Variants in MSRA observed in about 807,000 individuals in gnomAD.
MSRA encodes methionine sulfoxide reductase A.
MSRA carries 54 observed loss-of-function variants against 31.3 expected under a neutral mutation model. The observed-to-expected ratio is 1.73, with a 90% CI of 1.39 to 2.17. The LOEUF is 2.17. MSRA is among the 30% of genes most tolerant of loss of function. The pLI is 0.00. For synonymous variants in MSRA, 169 were observed against 116.5 expected (o/e 1.45, Z -2.90); for missense variants, 507 against 300.9 (o/e 1.69, Z -5.07).
chr8:10,213,211 C>T (rs1411799849), intron 2 of MSRA, among the ~76,000 whole-genome samples: 1 of 152,100 alleles, frequency 6.6e-6, no homozygotes, highest in Non-Finnish European at 1.5e-5. Flanking sequence ...CCCTTCCCAG[C>T]CTTTGGTAAC....
intron 5 of MSRA, among the ~76,000 whole-genome samples, chr8:10,335,897 G>C (rs986333099): frequency 2.6e-5 from 4 of 152,168 alleles, no homozygotes; most frequent in Non-Finnish European, 4.4e-5. Context: ...GAAGCAGCTG[G>C]TAACTTGAGA....
At chr8:10,185,968 G>A (rs760617919) in intron 1 of MSRA, among the ~76,000 whole-genome samples, 1 of 152,090 alleles carries the variant, frequency 6.6e-6, no homozygotes, top group Admixed American at 6.5e-5. Context: ...TTCTGGGTTG[G>A]GGGGAGTGGA....
intron 5 of MSRA, among the ~76,000 whole-genome samples, chr8:10,341,897 C>G (rs1021436472): frequency 8.5e-5 from 13 of 152,182 alleles, no homozygotes; most frequent in African/African-American, 3.1e-4. Context: ...CGGGACAGTG[C>G]CAGCTAAGAT....
chr8:10,202,650 T>C (rs1039626014), intron 1 of MSRA, among the ~76,000 whole-genome samples: 2 of 152,144 alleles, frequency 1.3e-5, no homozygotes, highest in African/African-American at 4.8e-5. Context: ...GGCATGGTCG[T>C]GGAGGGGAGG....
chr8:10,279,995 C>T (rs751919770), intron 3 of MSRA, among the ~76,000 whole-genome samples: 2 of 152,178 alleles, frequency 1.3e-5, no homozygotes, highest in African/African-American at 2.4e-5. Context: ...TTTTAACTTA[C>T]AATCCATTTT....
At chr8:10,269,720 G>A (rs920578597) in intron 3 of MSRA, among the ~76,000 whole-genome samples, 23 of 152,164 alleles carry the variant, frequency 1.5e-4, no homozygotes, top group South Asian at 4.2e-4. Context: ...ACTTGATCTC[G>A]GCTCACTGCA....
chr8:10,409,238 T>G (rs1585712740), intron 5 of MSRA, among the ~76,000 whole-genome samples: 5 of 152,362 alleles, frequency 3.3e-5, no homozygotes, highest in African/African-American at 9.6e-5. Flanking sequence ...CTGTTATTTT[T>G]TTGACTTTTT....
chr8:10,248,799 G>C (rs947412126), intron 3 of MSRA, among the ~76,000 whole-genome samples: 3 of 152,230 alleles, frequency 2.0e-5, no homozygotes, highest in Non-Finnish European at 2.9e-5. Context: ...AGTCTCCATT[G>C]CTTGGTGCCA....
At chr8:10,133,590 G>C (rs748955056) in intron 1 of MSRA, among the ~76,000 whole-genome samples, 2 of 152,194 alleles carry the variant, frequency 1.3e-5, no homozygotes, top group African/African-American at 2.4e-5. Flanking sequence ...GTGTGAACCT[G>C]TCCAGACCTG....
chr8:10,071,111 T>G (rs1485053409), intron 1 of MSRA, among the ~76,000 whole-genome samples: 4 of 152,228 alleles, frequency 2.6e-5, no homozygotes, highest in Admixed American at 2.0e-4. Context: ...AGTTTGATAT[T>G]CCCACCAGCA....
chr8:10,202,668 T>C (rs1305329405), intron 1 of MSRA, among the ~76,000 whole-genome samples: 1 of 152,138 alleles, frequency 6.6e-6, no homozygotes, highest in Non-Finnish European at 1.5e-5. Context: ...AGGTGACTAA[T>C]GTTTATTTGC....
intron 1 of MSRA, among the ~76,000 whole-genome samples, chr8:10,171,693 A>G (rs562206665): frequency 6.6e-6 from 1 of 152,382 alleles, no homozygotes; most frequent in South Asian, 2.1e-4. Flanking sequence ...AAAAAGCTAA[A>G]TCATCAACTC....
chr8:10,130,996 T>C (rs1801855031), intron 1 of MSRA, among the ~76,000 whole-genome samples: 1 of 152,202 alleles, frequency 6.6e-6, no homozygotes, highest in Admixed American at 6.5e-5. Flanking sequence ...ATAGAGATGT[T>C]AATGGTCTGT....
intron 1 of MSRA, among the ~76,000 whole-genome samples, chr8:10,204,952 C>T (rs980635789): frequency 2.5e-4 from 38 of 152,154 alleles, no homozygotes; most frequent in African/African-American, 8.7e-4. Context: ...GGCATAAGTG[C>T]AAAGTGCTAC....
At chr8:10,238,744 C>A (rs572945767) in intron 2 of MSRA, among the ~76,000 whole-genome samples, 2 of 152,180 alleles carry the variant, frequency 1.3e-5, no homozygotes, top group South Asian at 4.1e-4. Flanking sequence ...ACCTCACCCC[C>A]TACATAAAAA....
At chr8:10,318,200 T>G (rs1801836479) in intron 4 of MSRA, among the ~76,000 whole-genome samples, 1 of 152,224 alleles carries the variant, frequency 6.6e-6, no homozygotes, top group Non-Finnish European at 1.5e-5. Context: ...AATCGCAGGA[T>G]GGCCATTTAC....
intron 1 of MSRA, among the ~76,000 whole-genome samples, chr8:10,185,785 A>G (rs1806989493): frequency 1.3e-5 from 2 of 152,156 alleles, no homozygotes; most frequent in Non-Finnish European, 2.9e-5. Context: ...TCCTACGGAA[A>G]CCCACTCATC....
chr8:10,146,002 C>A (rs116197775), intron 1 of MSRA, among the ~76,000 whole-genome samples: 128 of 152,176 alleles, frequency 8.4e-4, no homozygotes, highest in African/African-American at 3.0e-3. Context: ...GTAAACAGAC[C>A]GTATATTTAT....
intron 4 of MSRA, among the ~76,000 whole-genome samples, chr8:10,319,027 C>G (rs1479501874): frequency 6.6e-6 from 1 of 152,156 alleles, no homozygotes; most frequent in South Asian, 2.1e-4. Flanking sequence ...AGACATAGGC[C>G]CCTTCCCCAC....
Sources: allele counts gnomAD v4.1 joint callset (sites outside exome capture counted in the v4.1 genomes callset), GRCh38; gene constraint gnomAD v4.1.1; transcripts MANE v1.5; gene names NCBI Gene and HGNC (gene_info 2026-07-23, HGNC 2026-07-21).